Variants in ABCC6 observed in about 807,000 individuals in gnomAD.
The protein encoded by ABCC6 is ATP binding cassette subfamily C member 6, also known as ATP-binding cassette sub-family C member 6.
A neutral mutation model predicts 169.5 loss-of-function variants in ABCC6; 126 were observed. That is an observed-to-expected ratio of 0.74 (90% CI 0.64 to 0.86). ABCC6 has a LOEUF of 0.86. Ranked by LOEUF, ABCC6 falls within the 40% of genes least tolerant of loss-of-function variation. ABCC6 has a pLI of 0.00. For synonymous variants in ABCC6, 752 were observed against 814.7 expected (o/e 0.92, Z 1.31); for missense variants, 1,733 against 1,927.2 (o/e 0.90, Z 1.89).
intron 22 of ABCC6, among the ~76,000 whole-genome samples, chr16:16,168,006 G>C (rs2046930265): frequency 6.6e-6 from 1 of 152,184 alleles, no homozygotes; most frequent in Admixed American, 6.6e-5. Flanking sequence ...CATTCGCCTT[G>C]AGTATTCCAC....
chr16:16,181,679 C>T (rs1393895777), intron 17 of ABCC6: 1 of 153,524 alleles, frequency 6.5e-6, no homozygotes, highest in Non-Finnish European at 1.4e-5. Flanking sequence ...ATTGTCATGA[C>T]TTGGGCTTTG....
chr16:16,172,119 GATAAATGAATGGATGGGATGC>G (rs2047113844), intron 21 of ABCC6, among the ~76,000 whole-genome samples: 399 of 55,960 alleles, frequency 7.1e-3, no homozygotes, highest in Non-Finnish European at 9.8e-3. Flanking sequence ...GGGTGGGATG[GATAAATGAATGGATGGGATGC>G]ATAAATGAGT....
At chr16:16,158,957 G>A (rs2046631272) in intron 26 of ABCC6, among the ~76,000 whole-genome samples, 1 of 151,982 alleles carries the variant, frequency 6.6e-6, no homozygotes, top group Admixed American at 6.6e-5. Context: ...TTACTAAAAT[G>A]TTGCTATTAC....
chr16:16,177,399 C>A, intron 19 of ABCC6, 53 bp downstream of exon 19: 1 of 1,608,904 alleles, frequency 6.2e-7, no homozygotes, highest in East Asian at 2.2e-5. Flanking sequence ...GAGCCTTTTC[C>A]CCCAAGGGTG....
intron 6 of ABCC6, among the ~76,000 whole-genome samples, chr16:16,210,926 TCTACAAAAAA>T (rs1290957933): frequency 1.3e-5 from 2 of 152,048 alleles, no homozygotes; most frequent in African/African-American, 4.8e-5. Flanking sequence ...AAACCCGGTC[TCTACAAAAAA>T]CTACAAAAAT....
rs1323847028 is a variant in ABCC6 at position 16,165,747 on chromosome 16, T to C, written c.3182A>G (p.Asp1061Gly). The change falls in exon 23 of 31, where the codon GAC becomes GGC. Residue 1061 changes from aspartate to glycine, a missense_variant. By Grantham distance (94) the Asp-to-Gly change is moderately conservative. Coordinates refer to ENST00000205557, the MANE Select transcript of ABCC6 (RefSeq NM_001171.6). ...ETDTVDVDIP[D>G]KLRSLLMYAF... The stretch of plus-strand genomic sequence containing the variant: ...GTACATCAGCAGGGACCGGAGTTTG[T>C]CTGGAATGTCCACGTCAACCGTGTC... 6.2e-7 allele frequency: 1 copy of C among 1,613,726 alleles called. No homozygotes were observed. Among genetic ancestry groups the C allele is most frequent in the Non-Finnish European group, 8.5e-7 (1 of 1,180,018 alleles).
intron 20 of ABCC6, among the ~76,000 whole-genome samples, chr16:16,173,915 C>G (rs1174773523): frequency 6.6e-6 from 1 of 152,124 alleles, no homozygotes; most frequent in East Asian, 1.9e-4. Flanking sequence ...GTCCAACTGG[C>G]AGAATATAAA....
intron 29 of ABCC6, among the ~76,000 whole-genome samples, chr16:16,152,322 G>A (rs2046410031): frequency 6.6e-6 from 1 of 151,732 alleles, no homozygotes; most frequent in Admixed American, 6.6e-5. Flanking sequence ...CCCTGACCCA[G>A]GTGGGAACTG....
Position 16,188,824 on chromosome 16 carries a change from A to C in ABCC6, c.1779+7T>G, listed in dbSNP as rs1270946310. 1.2e-6 allele frequency: 2 copies of C among 1,612,568 alleles called. No homozygotes were observed. The highest frequency in any genetic ancestry group is 1.3e-5 in the African/African-American group (1 of 74,872). On this transcript the variant is annotated splice_region_variant and intron_variant, in intron 13 of 30. Coordinates refer to ENST00000205557, the MANE Select transcript of ABCC6 (RefSeq NM_001171.6). The stretch of plus-strand genomic sequence containing the variant: ...CAGGATGGCTCCAGCCCTTGCACCC[A>C]CCTCACCTGGACGAGGGAGTGGATG...
rs2046770412 is a variant in ABCC6, at chr16:16,163,036, C to A, written c.3463G>T (p.Asp1155Tyr). The A allele has an allele frequency of 6.2e-7, 1 of 1,613,958 alleles. No homozygotes were observed. The highest frequency in any genetic ancestry group is 1.3e-5 in the African/African-American group (1 of 74,942). The change falls in exon 24 of 31, where the codon GAT (aspartate) becomes TAT (tyrosine). Residue 1155 changes from aspartate (D) to tyrosine (Y), a missense_variant. By Grantham distance (160) the Asp-to-Tyr change is radical (BLOSUM62 -3). Around this residue, in one of 5 missense-constraint regions of ABCC6, gnomAD observed 1,601 missense variants for 1,635.5 expected, o/e 0.98. Coordinates refer to ENST00000205557, the MANE Select transcript of ABCC6 (RefSeq NM_001171.6). ...PFVAQNNARV[D>Y]ESQRISFPRL... Reference sequence around the variant, plus strand: ...GGGAAACTGATCCTCTGGCTTTCATCTACGCGAGCATTGTTCTGAGCCACA... The same window carrying A: ...GGGAAACTGATCCTCTGGCTTTCATATACGCGAGCATTGTTCTGAGCCACA...
At chr16:16,177,353 G>A in intron 19 of ABCC6, 99 bp downstream of exon 19, 1 of 1,390,616 alleles carries the variant, frequency 7.2e-7, no homozygotes, top group East Asian at 2.3e-5. Flanking sequence ...GACAGGGTGT[G>A]GCCAGAGCAC....
At position 16,196,678 on chromosome 16, in the gene ABCC6, G is replaced by A. The variant is rs78938090; in HGVS notation, c.1338+1343C>T. 5.0e-3 allele frequency among the ~76,000 whole-genome samples: 758 copies of A among 152,180 alleles called. 44 individuals are homozygous for A. The East Asian group carries it at 0.12, about 23-fold the overall frequency. ...GAGGATTTGAGCCTAGGCAGTTCCC[G>A]ATACAGAGTCTAATTTTATTTTTAC... On this transcript the variant is annotated intron_variant, in intron 10 of 30. Coordinates refer to ENST00000205557, the MANE Select transcript of ABCC6 (RefSeq NM_001171.6).
intron 13 of ABCC6, among the ~76,000 whole-genome samples, chr16:16,187,531 T>A (rs1261124416): frequency 6.6e-6 from 1 of 152,160 alleles, no homozygotes; most frequent in Admixed American, 6.5e-5. Context: ...CAATTTCAAA[T>A]GTTGTCCACC....
rs978223068 is a variant in ABCC6 at position 16,221,681 on chromosome 16, G to C, written c.187C>G (p.Leu63Val). The C allele has an allele frequency of 4.3e-6, 7 of 1,613,824 alleles. No homozygotes were observed. The African/African-American group carries it at 9.3e-5, about 22-fold the overall frequency. Residue 63 changes from leucine to valine, a missense_variant, in exon 2 of 31, where the codon CTC becomes GTC. By Grantham distance (32) the Leu-to-Val change is conservative (BLOSUM62 1). Coordinates refer to ENST00000205557, the MANE Select transcript of ABCC6 (RefSeq NM_001171.6). ...LFIHHHGRGY[L>V]RMSPLFKAKM... ...GCTTTGAAGAGTGGGGACATCCGGA[G>C]GTAGCCCCGGCCATGGTGGTGGATG...
In ABCC6 at chr16:16,181,012, A is replaced by C. The variant is rs116182238; in HGVS notation, c.2247+1400T>G. 4.8e-3 allele frequency among the ~76,000 whole-genome samples: 737 copies of C among 152,200 alleles called. 7 individuals are homozygous for C. The highest frequency in any genetic ancestry group is 0.016 in the African/African-American group (678 of 41,516). ...AAAGTGCTATGAAGAATAAATAGTAAAGCAGGGGGAGCCAGGTTCAGGGGC... is the reference window on the plus strand; with the variant it reads ...AAAGTGCTATGAAGAATAAATAGTACAGCAGGGGGAGCCAGGTTCAGGGGC... On this transcript the variant is annotated intron_variant, in intron 17 of 30. Coordinates refer to ENST00000205557, the MANE Select transcript of ABCC6 (RefSeq NM_001171.6).
intron 22 of ABCC6, among the ~76,000 whole-genome samples, chr16:16,167,236 G>T (rs1174444920): frequency 6.6e-6 from 1 of 152,196 alleles, no homozygotes; most frequent in Non-Finnish European, 1.5e-5. Flanking sequence ...GACTTCACTA[G>T]AACTTTTGGA....
chr16:16,199,886 G>A (rs1160077687), intron 9 of ABCC6, among the ~76,000 whole-genome samples: 1 of 151,100 alleles, frequency 6.6e-6, no homozygotes, highest in Non-Finnish European at 1.5e-5. Flanking sequence ...TGGCCAATAT[G>A]GCAAAACCCC....
chr16:16,189,182 G>T (rs553222755), intron 12 of ABCC6, among the ~76,000 whole-genome samples: 1 of 152,196 alleles, frequency 6.6e-6, no homozygotes, highest in Non-Finnish European at 1.5e-5. Context: ...AAGACACAGC[G>T]CATTGCTAAT....
intron 26 of ABCC6, 38 bp downstream of exon 26, chr16:16,159,444 T>G: frequency 1.5e-5 from 23 of 1,516,750 alleles, no homozygotes; most frequent in Non-Finnish European, 2.0e-5. Flanking sequence ...CCACAATATG[T>G]CCTTGCTGGG....
Sources: allele counts gnomAD v4.1 joint callset (sites outside exome capture counted in the v4.1 genomes callset), GRCh38; gene constraint gnomAD v4.1.1; regional missense constraint gnomAD v4.1.1; transcripts MANE v1.5; gene names NCBI Gene and HGNC (gene_info 2026-07-23, HGNC 2026-07-21).